TMEM67: variants seen among roughly 807,000 people sequenced by gnomAD.
The protein encoded by TMEM67 is transmembrane protein 67.
A neutral mutation model predicts 136.6 loss-of-function variants in TMEM67; 124 were observed. That is an observed-to-expected ratio of 0.91 (90% CI 0.78 to 1.05). The LOEUF is 1.05. Ranked by LOEUF, TMEM67 falls within the 50% of genes least tolerant of loss-of-function variation. TMEM67 has a pLI of 0.00. For missense variants in TMEM67, 1,107 were observed against 1,178.4 expected (o/e 0.94, Z 0.89); for synonymous variants, 364 against 390.5 (o/e 0.93, Z 0.80).
chr8:93,809,845 AT>A lies in TMEM67; in HGVS notation c.2723del (p.Met908ArgfsTer52), dbSNP rs1428771779. On this transcript the variant is annotated frameshift_variant, in exon 26 of 28. Coordinates refer to ENST00000453321, the MANE Select transcript of TMEM67 (RefSeq NM_153704.6). LOFTEE classifies it high-confidence loss of function. The stretch of plus-strand genomic sequence containing the variant: ...GTTGCTTCTTGAAAGAATTCTTGGA[AT>A]GGAATTCATGGAACCAATGGAAAAA... ...DKLLLERILGMEFMEPMEKSI... is the reference protein window; with the variant it reads ...DKLLLERILGXEFMEPMEKSI... The A allele has an allele frequency of 6.2e-7, 1 of 1,608,676 alleles. No homozygotes were observed. Among genetic ancestry groups the A allele is most frequent in the Non-Finnish European group, 8.5e-7 (1 of 1,175,464 alleles).
At chr8:93,769,567 T>C (rs968489852) in intron 6 of TMEM67, 1 of 167,140 alleles carries the variant, frequency 6.0e-6, no homozygotes, top group Non-Finnish European at 1.5e-5. Flanking sequence ...TTTAAAGTCA[T>C]GTTGCAACTG....
In TMEM67 at chr8:93,763,898, G is replaced by A; in HGVS notation, c.463G>A (p.Gly155Arg). 1.9e-6 allele frequency: 3 copies of A among 1,613,866 alleles called. No homozygotes were observed. The highest frequency in any genetic ancestry group is 2.5e-6 in the Non-Finnish European group (3 of 1,179,846). ...LSQATCELCDGNENSFMVVNA... is the reference protein window; with the variant it reads ...LSQATCELCDRNENSFMVVNA... ...TCAAGCAACTTGTGAGCTCTGTGAT[G>A]GAAATGAAAACTCTTTTATGGTAGT... is the stretch of plus-strand genomic sequence containing the variant. Residue 155 changes from glycine (G) to arginine (R), a missense_variant, in exon 4 of 28, where the codon GGA (glycine) becomes AGA (arginine). By Grantham distance (125) the Gly-to-Arg change is moderately radical (BLOSUM62 -2). This residue lies in a region of TMEM67 where 925 missense variants were observed against 1,002.4 expected (regional missense o/e 0.92). Transcript: ENST00000453321.
chr8:93,818,436 A>G (rs1187258525), downstream of TMEM67, among the ~76,000 whole-genome samples: 5 of 152,224 alleles, frequency 3.3e-5, no homozygotes, highest in Non-Finnish European at 7.4e-5. Context: ...CTTCTCTGGC[A>G]TTGCTGTCCT....
At chr8:93,811,138 G>A (rs957894413) in intron 26 of TMEM67, 2 of 152,218 alleles carry the variant, frequency 1.3e-5, no homozygotes, top group African/African-American at 4.8e-5. Context: ...ACAGACATGT[G>A]AATAAGTAGG....
At chr8:93,805,013 C>A in intron 23 of TMEM67, 135 bp downstream of exon 23, 1 of 606,802 alleles carries the variant, frequency 1.6e-6, no homozygotes, top group Admixed American at 2.4e-5. Context: ...CCCTCTGTCA[C>A]CCAGGCTGGA....
chr8:93,785,954 C>A, intron 12 of TMEM67: 1 of 426,010 alleles, frequency 2.3e-6, no homozygotes, highest in South Asian at 2.2e-5. Context: ...CTTGTAGTCC[C>A]AGCTACTCTG....
At chr8:93,782,276 T>A (rs1813871481) in intron 10 of TMEM67, 119 bp from the exon 11 acceptor site, 2 of 768,226 alleles carry the variant, frequency 2.6e-6, no homozygotes, top group Non-Finnish European at 4.4e-6. Context: ...ACTTTTCATA[T>A]CCTTGATACA....
chr8:93,825,252 G>A, the TMEM67 span, among the ~76,000 whole-genome samples: 6 of 152,174 alleles, frequency 3.9e-5, no homozygotes, highest in African/African-American at 1.4e-4. Flanking sequence ...GTGAGTATAG[G>A]TGCGACATTC....
chr8:93,798,942 A>AGTGTGTGTGTGTGT (rs35511670), intron 20 of TMEM67, among the ~76,000 whole-genome samples: 9 of 143,398 alleles, frequency 6.3e-5, no homozygotes, highest in South Asian at 2.3e-4. Context: ...GTACTAAAGT[A>AGTGTGTGTGTGTGT]GTGTGTGTGT....
At chr8:93,826,234 A>G in the TMEM67 span, among the ~76,000 whole-genome samples, 32 of 132,570 alleles carry the variant, frequency 2.4e-4, no homozygotes, top group African/African-American at 9.0e-4. Context: ...GGTTCACGCC[A>G]TTCTCCTGCC....
downstream of TMEM67, among the ~76,000 whole-genome samples, chr8:93,822,755 C>T (rs193270358): frequency 4.8e-3 from 736 of 152,178 alleles, 4 homozygotes; most frequent in Non-Finnish European, 7.5e-3. Flanking sequence ...GAATTGAATG[C>T]TAAAATAAAG....
intron 7 of TMEM67, among the ~76,000 whole-genome samples, chr8:93,775,917 G>A (rs1391842650): frequency 1.3e-5 from 2 of 152,120 alleles, no homozygotes; most frequent in African/African-American, 4.8e-5. Flanking sequence ...GATGGGGATG[G>A]CATTGAATCT....
At chr8:93,781,994 C>T (rs1813856976) in intron 10 of TMEM67, among the ~76,000 whole-genome samples, 1 of 152,042 alleles carries the variant, frequency 6.6e-6, no homozygotes, top group South Asian at 2.1e-4. Context: ...TCTCAGCTCA[C>T]TACAAGCTCC....
rs556788802 is a variant in TMEM67 at position 93,772,714 on chromosome 8, C to A, written c.714+63C>A. Reference sequence around the variant, plus strand: ...TGAAGAATTATACCATTTATTTACCCAGATAATAAAAGTTTTATTTCTAAG... The same window carrying A: ...TGAAGAATTATACCATTTATTTACCAAGATAATAAAAGTTTTATTTCTAAG... On this transcript the variant is annotated intron_variant, in intron 7 of 27. Coordinates refer to ENST00000453321, the MANE Select transcript of TMEM67 (RefSeq NM_153704.6). The A allele has an allele frequency of 4.4e-5, 57 of 1,294,936 alleles. 1 individual carries two copies. In the African/African-American group the frequency reaches 4.8e-4, roughly 11 times the overall value. The allele number at this position is 1,294,936 out of a possible 1,614,324, so 80.2% of individuals were successfully genotyped here. A position where few individuals can be genotyped will look rare whatever the true frequency, so the allele number is the denominator to read the frequency against.
chr8:93,770,975 A>G (rs1563684751), intron 6 of TMEM67, among the ~76,000 whole-genome samples: 2 of 151,646 alleles, frequency 1.3e-5, no homozygotes, highest in East Asian at 3.9e-4. Context: ...AGATCGCGCC[A>G]TTGCACTCCA....
chr8:93,790,688 A>G (rs1405770180), intron 14 of TMEM67, among the ~76,000 whole-genome samples: 1 of 152,190 alleles, frequency 6.6e-6, no homozygotes, highest in Non-Finnish European at 1.5e-5. Flanking sequence ...TTCCACATAT[A>G]GTGGCTTTCT....
At chr8:93,799,799 GC>G in intron 21 of TMEM67, 41 bp downstream of exon 21, 3 of 1,527,518 alleles carry the variant, frequency 2.0e-6, no homozygotes, top group Non-Finnish European at 2.7e-6. Context: ...AAGTAACATT[GC>G]TTCTTTATAA....
chr8:93,807,968 T>G (rs1263903959), intron 23 of TMEM67, among the ~76,000 whole-genome samples: 1 of 151,938 alleles, frequency 6.6e-6, no homozygotes. Flanking sequence ...ATTAACTGTT[T>G]GGTCATGTAT....
At chr8:93,778,388 C>T (rs745733419) in intron 7 of TMEM67, among the ~76,000 whole-genome samples, 4 of 152,158 alleles carry the variant, frequency 2.6e-5, no homozygotes, top group Admixed American at 6.5e-5. Flanking sequence ...TGAATTTGAT[C>T]CTGTCATTAT....
Sources: allele counts gnomAD v4.1 joint callset (sites outside exome capture counted in the v4.1 genomes callset), GRCh38; gene constraint gnomAD v4.1.1; regional missense constraint gnomAD v4.1.1; transcripts MANE v1.5; gene names NCBI Gene and HGNC (gene_info 2026-07-23, HGNC 2026-07-21).